The following CACNB2 variants were observed in gnomAD, a reference collection of about 807,000 sequenced individuals.
The protein encoded by CACNB2 is calcium voltage-gated channel auxiliary subunit beta 2.
A neutral mutation model predicts 73.3 loss-of-function variants in CACNB2; 42 were observed. The ratio of observed to expected loss-of-function variants is 0.57; its 90% CI spans 0.45 to 0.74. The LOEUF (loss-of-function observed/expected upper bound fraction) is 0.74, where lower values mean the gene tolerates loss of function less well. Ranked by LOEUF, CACNB2 falls within the 30% of genes least tolerant of loss-of-function variation. The probability of loss-of-function intolerance (pLI) is 0.00; values close to 1 mark genes in which losing one functional copy is unlikely to be tolerated. For synonymous variants in CACNB2, 348 were observed against 310.3 expected, an observed-to-expected ratio of 1.12 and a Z score of -1.28; for missense variants, 940 against 853.0, an observed-to-expected ratio of 1.10 and a Z score of -1.27.
intron 12 of CACNB2, among the ~76,000 whole-genome samples, chr10:18,537,102 C>G (rs1000229477): frequency 6.6e-6 from 1 of 152,092 alleles, no homozygotes; most frequent in Non-Finnish European, 1.5e-5. Flanking sequence ...ATCCTCCCAC[C>G]TCGGCCCTCC....
intron 2 of CACNB2, among the ~76,000 whole-genome samples, chr10:18,300,621 C>A (rs571913424): frequency 6.6e-6 from 1 of 152,048 alleles, no homozygotes; most frequent in African/African-American, 2.4e-5. Flanking sequence ...TGCAATCTGA[C>A]GGGTGAATCA....
intron 2 of CACNB2, among the ~76,000 whole-genome samples, chr10:18,305,897 G>C (rs533799460): frequency 6.6e-6 from 1 of 152,272 alleles, no homozygotes; most frequent in East Asian, 1.9e-4. Context: ...GAGCCCAGGA[G>C]TTGGAGGCTG....
intron 5 of CACNB2, among the ~76,000 whole-genome samples, chr10:18,503,603 AAG>A (rs1479115660): frequency 1.3e-5 from 2 of 152,200 alleles, no homozygotes; most frequent in African/African-American, 4.8e-5. Flanking sequence ...AAACAAAAAA[AAG>A]AACCACCTTA....
intron 2 of CACNB2, among the ~76,000 whole-genome samples, chr10:18,360,303 C>T (rs2042092299): frequency 6.6e-6 from 1 of 152,218 alleles, no homozygotes; most frequent in Admixed American, 6.5e-5. Flanking sequence ...TTACAGCTTA[C>T]TGCAGCCTCA....
At chr10:18,286,949 A>G (rs2131735907) in intron 2 of CACNB2, among the ~76,000 whole-genome samples, 1 of 152,338 alleles carries the variant, frequency 6.6e-6, no homozygotes, top group African/African-American at 2.4e-5. Context: ...CAAGTTAAGG[A>G]GACCTAATAA....
chr10:18,475,826 G>T (rs1237744082), intron 3 of CACNB2, among the ~76,000 whole-genome samples: 2 of 152,084 alleles, frequency 1.3e-5, no homozygotes, highest in African/African-American at 4.8e-5. Flanking sequence ...GTGGGAACTG[G>T]GCTTGAAATG....
intron 2 of CACNB2, among the ~76,000 whole-genome samples, chr10:18,239,745 GAA>G (rs2036578742): frequency 6.6e-6 from 1 of 152,172 alleles, no homozygotes; most frequent in Non-Finnish European, 1.5e-5. Flanking sequence ...TAAAAGTAGA[GAA>G]GTGTTCTAAA....
At chr10:18,367,395 T>C (rs1175331581) in intron 2 of CACNB2, among the ~76,000 whole-genome samples, 2 of 152,242 alleles carry the variant, frequency 1.3e-5, no homozygotes, top group Admixed American at 6.5e-5. Flanking sequence ...TAAAAGGTTT[T>C]ATAAGTGTAA....
chr10:18,479,026 C>T lies in CACNB2; in HGVS notation c.334-19329C>T, dbSNP rs115024412. 8.4e-3 allele frequency among the ~76,000 whole-genome samples: 1,271 copies of T among 151,996 alleles called. 23 individuals are homozygous for T. Among genetic ancestry groups the T allele is most frequent in the African/African-American group, 0.028 (1,176 of 41,424 alleles). ...TGAGTTCTGATCCTACCACTGCACTCCAGTCTGGGTGACAAAGTGAGACCC... is the reference window on the plus strand; with the variant it reads ...TGAGTTCTGATCCTACCACTGCACTTCAGTCTGGGTGACAAAGTGAGACCC... On this transcript the variant is annotated intron_variant, in intron 3 of 13. Transcript: ENST00000324631.
intron 2 of CACNB2, among the ~76,000 whole-genome samples, chr10:18,249,279 G>A (rs1175233164): frequency 2.0e-5 from 3 of 152,138 alleles, no homozygotes; most frequent in African/African-American, 7.2e-5. Context: ...GCTTATGCAT[G>A]GGGTTCCAGC....
intron 2 of CACNB2, among the ~76,000 whole-genome samples, chr10:18,244,781 T>C (rs1032647293): frequency 1.3e-5 from 2 of 152,210 alleles, no homozygotes; most frequent in Non-Finnish European, 2.9e-5. Flanking sequence ...TGTTACCTTA[T>C]GTGGCAAATA....
intron 2 of CACNB2, among the ~76,000 whole-genome samples, chr10:18,159,101 C>G (rs2032267193): frequency 6.6e-6 from 1 of 151,792 alleles, no homozygotes; most frequent in Non-Finnish European, 1.5e-5. Flanking sequence ...GACATGTGTT[C>G]TCCTTGGCTA....
intron 3 of CACNB2, among the ~76,000 whole-genome samples, chr10:18,455,127 C>G (rs1366700039): frequency 1.3e-5 from 2 of 151,728 alleles, no homozygotes; most frequent in African/African-American, 4.8e-5. Flanking sequence ...ATAATATCCA[C>G]CAATATGTGC....
chr10:18,534,499 T>G (rs2053367935), intron 11 of CACNB2, among the ~76,000 whole-genome samples: 1 of 152,196 alleles, frequency 6.6e-6, no homozygotes, highest in Non-Finnish European at 1.5e-5. Context: ...AAGACATTAT[T>G]TGCCATTTTC....
chr10:18,310,920 C>T (rs182046839), intron 2 of CACNB2, among the ~76,000 whole-genome samples: 28 of 152,218 alleles, frequency 1.8e-4, no homozygotes, highest in African/African-American at 6.0e-4. Flanking sequence ...TACAAACCTC[C>T]ACTTTAGTCT....
At chr10:18,491,469 T>C (rs1417983612) in intron 3 of CACNB2, among the ~76,000 whole-genome samples, 1 of 152,132 alleles carries the variant, frequency 6.6e-6, no homozygotes, top group Non-Finnish European at 1.5e-5. Context: ...GAGGCTGTAG[T>C]CCTAGCTACT....
chr10:18,488,690 A>G (rs1028384671), intron 3 of CACNB2, among the ~76,000 whole-genome samples: 1 of 151,972 alleles, frequency 6.6e-6, no homozygotes, highest in Non-Finnish European at 1.5e-5. Flanking sequence ...ATACCAACCA[A>G]TTTTTAGCAT....
chr10:18,167,693 G>T (rs2131130634), intron 2 of CACNB2, among the ~76,000 whole-genome samples: 1 of 152,306 alleles, frequency 6.6e-6, no homozygotes, highest in South Asian at 2.1e-4. Context: ...TCTGGAAAGT[G>T]AGGATAATAA....
At position 18,509,537 on chromosome 10, in the gene CACNB2, G is replaced by A. The variant is rs188027314; in HGVS notation, c.670+2990G>A. 2.6e-5 allele frequency among the ~76,000 whole-genome samples: 4 copies of A among 152,222 alleles called. No homozygotes were observed. In the East Asian group the frequency reaches 5.8e-4, roughly 22 times the overall value. Reference sequence around the variant, plus strand: ...AAATTGTTCTCGGTGCCATGGTCACGCCTGTAATCCCAGCACTTTGGGAGG... The same window carrying A: ...AAATTGTTCTCGGTGCCATGGTCACACCTGTAATCCCAGCACTTTGGGAGG... On this transcript the variant is annotated intron_variant, in intron 6 of 13. Transcript: ENST00000324631.
Sources: allele counts gnomAD v4.1 joint callset (sites outside exome capture counted in the v4.1 genomes callset), GRCh38; gene constraint gnomAD v4.1.1; transcripts MANE v1.5; gene names NCBI Gene and HGNC (gene_info 2026-07-23, HGNC 2026-07-21).